PTPRD: variants seen among roughly 807,000 people sequenced by gnomAD.
PTPRD encodes protein tyrosine phosphatase receptor type D.
Under a neutral mutation model 214.5 loss-of-function variants are expected in PTPRD, and 34 were observed. That is an observed-to-expected ratio of 0.16 (90% confidence interval 0.12 to 0.21). PTPRD has a LOEUF of 0.21. Among genes scored for constraint, PTPRD ranks in the 10% least tolerant of loss-of-function variants. The pLI, the probability that PTPRD is intolerant of heterozygous loss-of-function variation, is 1.00. For synonymous variants in PTPRD, 1,128 were observed against 845.7 expected, an observed-to-expected ratio of 1.33 and a Z score of -5.79; for missense variants, 2,545 against 2,398.7, an observed-to-expected ratio of 1.06 and a Z score of -1.27.
chr9:9,862,160 A>G (rs775424581), intron 5 of PTPRD, among the ~76,000 whole-genome samples: 12 of 152,146 alleles, frequency 7.9e-5, no homozygotes, highest in Non-Finnish European at 1.2e-4. Flanking sequence ...TCCCACAAGC[A>G]GTATTAAAGA....
chr9:10,607,820 C>T (rs955626919), intron 2 of PTPRD, among the ~76,000 whole-genome samples: 2 of 151,766 alleles, frequency 1.3e-5, no homozygotes, highest in African/African-American at 2.4e-5. Context: ...TATTCATTTT[C>T]CATGATTGGA....
At chr9:8,490,065 G>C (rs1016616465) in intron 27 of PTPRD, among the ~76,000 whole-genome samples, 2 of 152,176 alleles carry the variant, frequency 1.3e-5, no homozygotes, top group African/African-American at 4.8e-5. Flanking sequence ...AGTCATGCCA[G>C]CTGTTGGTTC....
chr9:10,027,383 CAA>C (rs2096945242), intron 4 of PTPRD, among the ~76,000 whole-genome samples: 1 of 152,096 alleles, frequency 6.6e-6, no homozygotes, highest in African/African-American at 2.4e-5. Context: ...GTCAGGGAAA[CAA>C]AGATTCCCTA....
chr9:9,726,667 A>C (rs556536427), intron 7 of PTPRD, among the ~76,000 whole-genome samples: 2 of 152,330 alleles, frequency 1.3e-5, no homozygotes, highest in South Asian at 4.1e-4. Context: ...GAAAATAGAA[A>C]TAATATGTGA....
At chr9:10,450,823 T>C (rs2098836631) in intron 2 of PTPRD, among the ~76,000 whole-genome samples, 1 of 151,982 alleles carries the variant, frequency 6.6e-6, no homozygotes, top group African/African-American at 2.4e-5. Context: ...CTTAAAAAAT[T>C]GTTGGCTGTT....
intron 11 of PTPRD, among the ~76,000 whole-genome samples, chr9:8,998,097 G>A (rs552813697): frequency 6.6e-5 from 10 of 152,200 alleles, no homozygotes; most frequent in African/African-American, 2.2e-4. Context: ...AGCAGCAAGT[G>A]CTGATGTACA....
At chr9:8,802,723 G>A (rs2096596312) in intron 11 of PTPRD, among the ~76,000 whole-genome samples, 2 of 152,186 alleles carry the variant, frequency 1.3e-5, no homozygotes. Flanking sequence ...TGGTCTTGGG[G>A]AAATTGCTTA....
chr9:9,870,181 T>C (rs2065059498), intron 5 of PTPRD, among the ~76,000 whole-genome samples: 2 of 152,060 alleles, frequency 1.3e-5, no homozygotes, highest in African/African-American at 4.8e-5. Flanking sequence ...GATGGGTTCA[T>C]GGAGACTACT....
At chr9:10,000,634 T>C (rs1321341416) in intron 4 of PTPRD, among the ~76,000 whole-genome samples, 2 of 152,208 alleles carry the variant, frequency 1.3e-5, no homozygotes, top group Non-Finnish European at 2.9e-5. Context: ...GTAAAAGTTC[T>C]TGATAAGACT....
chr9:9,489,207 T>G (rs2095796068), intron 8 of PTPRD, among the ~76,000 whole-genome samples: 1 of 152,084 alleles, frequency 6.6e-6, no homozygotes, highest in South Asian at 2.1e-4. Context: ...AACTTTAAGC[T>G]TACACCTGCA....
intron 3 of PTPRD, among the ~76,000 whole-genome samples, chr9:10,316,622 T>C (rs1228815448): frequency 6.6e-6 from 1 of 152,018 alleles, no homozygotes; most frequent in Non-Finnish European, 1.5e-5. Context: ...GCCAGCTTTA[T>C]AGTGAATCAA....
chr9:8,571,729 T>C (rs1264445752), intron 14 of PTPRD, among the ~76,000 whole-genome samples: 1 of 152,142 alleles, frequency 6.6e-6, no homozygotes, highest in Non-Finnish European at 1.5e-5. Flanking sequence ...TTAAGGGGAA[T>C]GCATAGTAAC....
At chr9:8,330,983 G>A (rs897020714) in intron 44 of PTPRD, among the ~76,000 whole-genome samples, 1 of 150,700 alleles carries the variant, frequency 6.6e-6, no homozygotes, top group African/African-American at 2.5e-5. Flanking sequence ...TATGGTGAAT[G>A]TCTGAACTAT....
chr9:8,800,276 T>A (rs921703562), intron 11 of PTPRD, among the ~76,000 whole-genome samples: 1 of 152,148 alleles, frequency 6.6e-6, no homozygotes, highest in Non-Finnish European at 1.5e-5. Flanking sequence ...TTTGACATCA[T>A]GTCAGCCATT....
intron 3 of PTPRD, among the ~76,000 whole-genome samples, chr9:10,242,939 G>A (rs2091390527): frequency 1.3e-5 from 2 of 151,578 alleles, no homozygotes; most frequent in Middle Eastern, 3.4e-3. Context: ...GAGGGAGGGA[G>A]GGAGAGAGAG....
intron 7 of PTPRD, among the ~76,000 whole-genome samples, chr9:9,732,097 G>C (rs1447190930): frequency 1.3e-5 from 2 of 152,044 alleles, no homozygotes; most frequent in Admixed American, 1.3e-4. Flanking sequence ...CTTGAATTTG[G>C]CCTTGAGGAA....
intron 20 of PTPRD, among the ~76,000 whole-genome samples, chr9:8,520,590 AT>A (rs2138776790): frequency 6.6e-6 from 1 of 152,122 alleles, no homozygotes; most frequent in East Asian, 1.9e-4. Context: ...ACTTTCTAGA[AT>A]TCTATAAACA....
intron 12 of PTPRD, among the ~76,000 whole-genome samples, chr9:8,714,303 T>C (rs567652737): frequency 4.3e-5 from 5 of 117,202 alleles, no homozygotes; most frequent in South Asian, 2.6e-4. Flanking sequence ...TAACAGCTTA[T>C]TGGGTTTTTT....
rs185317205 is a variant in PTPRD at position 8,717,808 on chromosome 9, C to T, written c.64+15972G>A. On this transcript the variant is annotated intron_variant, in intron 12 of 45. Coordinates refer to ENST00000381196, the MANE Select transcript of PTPRD (RefSeq NM_002839.4). ...ACAAGTTCCAAGATCATTAGCTTTG[C>T]CTTAATGCCCTCCACAATTTCTCTG... Among the ~76,000 whole-genome samples the T allele has an allele frequency of 6.6e-5, 10 of 152,086 alleles. No individual in the cohort carries two copies. In the East Asian group the frequency reaches 1.9e-3, roughly 29 times the overall value.
Sources: allele counts gnomAD v4.1 joint callset (sites outside exome capture counted in the v4.1 genomes callset), GRCh38; gene constraint gnomAD v4.1.1; transcripts MANE v1.5; gene names NCBI Gene and HGNC (gene_info 2026-07-23, HGNC 2026-07-21).